Variants in MAGI2 observed in about 807,000 individuals in gnomAD.
MAGI2 encodes the protein membrane-associated guanylate kinase, WW and PDZ domain-containing protein 2.
In MAGI2, 35 loss-of-function variants were observed where a neutral mutation model predicts 133.3. That is an observed-to-expected ratio of 0.26 (90% confidence interval 0.20 to 0.35). MAGI2 has a LOEUF of 0.35. Among genes scored for constraint, MAGI2 ranks in the 10% least tolerant of loss-of-function variants. MAGI2 has a pLI of 1.00. For synonymous variants in MAGI2, 729 were observed against 710.6 expected (o/e 1.03, Z -0.41); for missense variants, 1,636 against 1,863.4 (o/e 0.88, Z 2.25).
At chr7:79,203,722 C>T (rs2129552115) in intron 1 of MAGI2, among the ~76,000 whole-genome samples, 1 of 152,114 alleles carries the variant, frequency 6.6e-6, no homozygotes, top group African/African-American at 2.4e-5. Context: ...AATCAGTAGG[C>T]ATTTTAAAAA....
chr7:78,068,446 A>AATGTG (rs1814086686), intron 21 of MAGI2, among the ~76,000 whole-genome samples: 1 of 152,014 alleles, frequency 6.6e-6, no homozygotes. Context: ...GAGTGATAAC[A>AATGTG]ATGTGTCAAT....
intron 1 of MAGI2, among the ~76,000 whole-genome samples, chr7:79,286,478 C>T (rs1193165571): frequency 6.6e-6 from 1 of 151,980 alleles, no homozygotes; most frequent in African/African-American, 2.4e-5. Flanking sequence ...ACAATTCTTG[C>T]TATTCCAAGA....
At chr7:78,669,460 A>G (rs192302492) in intron 2 of MAGI2, among the ~76,000 whole-genome samples, 2,246 of 152,154 alleles carry the variant, frequency 0.015, 63 homozygotes, top group African/African-American at 0.051. Flanking sequence ...GTCCAGGACC[A>G]GATGGATTCA....
At chr7:78,203,545 G>T (rs1203475979) in intron 10 of MAGI2, among the ~76,000 whole-genome samples, 5 of 152,158 alleles carry the variant, frequency 3.3e-5, no homozygotes, top group African/African-American at 1.2e-4. Flanking sequence ...GTGCAACCCA[G>T]GGCTCCTTTA....
chr7:79,107,079 T>C (rs1489430971), intron 1 of MAGI2, among the ~76,000 whole-genome samples: 2 of 152,140 alleles, frequency 1.3e-5, no homozygotes, highest in African/African-American at 2.4e-5. Flanking sequence ...CAAAAGGTAT[T>C]TTGCAGATGT....
chr7:79,011,060 A>G (rs1052526045), intron 1 of MAGI2: 3 of 152,128 alleles, frequency 2.0e-5, no homozygotes, highest in Non-Finnish European at 2.9e-5. Context: ...AACTCTTCCT[A>G]TTGCAAACGA....
intron 6 of MAGI2, among the ~76,000 whole-genome samples, chr7:78,433,188 G>T (rs927127017): frequency 6.6e-5 from 10 of 151,956 alleles, no homozygotes; most frequent in African/African-American, 2.4e-4. Context: ...CATCTGAGAG[G>T]TATCTATTTC....
At position 78,041,408 on chromosome 7, in the gene MAGI2, G is replaced by A. The variant is rs150542845; in HGVS notation, c.3707-21432C>T. Among the ~76,000 whole-genome samples, 916 of 152,324 alleles carry A rather than the reference G, an allele frequency of 6.0e-3. 5 individuals are homozygous for A. The highest frequency in any genetic ancestry group is 0.021 in the African/African-American group (866 of 41,570). ...ACCTGGAAAGGCACCAGGTGTGGTG[G>A]CTTACGCCTGTAATCCCAACACTCT... On this transcript the variant is annotated intron_variant, in intron 21 of 21. Coordinates refer to ENST00000354212, the MANE Select transcript of MAGI2 (RefSeq NM_012301.4).
chr7:78,508,360 A>C (rs948809013), intron 4 of MAGI2, among the ~76,000 whole-genome samples: 16 of 152,184 alleles, frequency 1.1e-4, no homozygotes, highest in Non-Finnish European at 7.3e-5. Flanking sequence ...CATCTCAAGG[A>C]CTGCAAATTA....
At chr7:78,601,491 T>C (rs319873) in intron 3 of MAGI2, among the ~76,000 whole-genome samples, 22,609 of 152,210 alleles carry the variant, frequency 0.15, 2,283 homozygotes, top group Non-Finnish European at 0.23. Flanking sequence ...ATATAAAAAG[T>C]CTTAAGTCTT....
In MAGI2 at chr7:78,986,121, T is replaced by C. The variant is rs1177270132; in HGVS notation, c.418+20969A>G. The stretch of plus-strand genomic sequence containing the variant: ...GTTTGGCAATTTCAGAAACCAAAGC[T>C]GAAGTAACACTACTTAGCACTTAGC... On this transcript the variant is annotated intron_variant, in intron 2 of 21. Transcript: ENST00000354212. 4.6e-5 allele frequency among the ~76,000 whole-genome samples: 7 copies of C among 152,190 alleles called. No homozygotes were observed. The East Asian group carries it at 1.4e-3, about 30-fold the overall frequency.
At chr7:79,424,345 T>C (rs1847187250) in intron 1 of MAGI2, among the ~76,000 whole-genome samples, 1 of 152,078 alleles carries the variant, frequency 6.6e-6, no homozygotes, top group African/African-American at 2.4e-5. Context: ...TATTCATATG[T>C]AAAATCTAAA....
chr7:79,021,852 A>G (rs1809361663), intron 1 of MAGI2, among the ~76,000 whole-genome samples: 1 of 152,164 alleles, frequency 6.6e-6, no homozygotes, highest in Non-Finnish European at 1.5e-5. Flanking sequence ...CTTTGTCCCA[A>G]CCAAATCTCA....
At chr7:78,065,694 A>C in intron 21 of MAGI2, 1 of 612,214 alleles carries the variant, frequency 1.6e-6, no homozygotes. Flanking sequence ...CCTAGGACCA[A>C]TCATTAGAAT....
chr7:78,800,852 G>A (rs1324812057), intron 2 of MAGI2, among the ~76,000 whole-genome samples: 1 of 152,006 alleles, frequency 6.6e-6, no homozygotes, highest in Non-Finnish European at 1.5e-5. Flanking sequence ...GGGGTTTCAG[G>A]TTCCAAGTGA....
At chr7:78,708,118 A>C (rs1015711564) in intron 2 of MAGI2, among the ~76,000 whole-genome samples, 1 of 152,146 alleles carries the variant, frequency 6.6e-6, no homozygotes, top group Non-Finnish European at 1.5e-5. Flanking sequence ...ACTGATGGGG[A>C]CTGACAAGGC....
chr7:79,418,840 C>T (rs1359885227), intron 1 of MAGI2, among the ~76,000 whole-genome samples: 1 of 62,178 alleles, frequency 1.6e-5, no homozygotes, highest in Non-Finnish European at 2.7e-5. Flanking sequence ...TACACACACA[C>T]ACACACACAC....
chr7:78,388,288 A>ATCG (rs1795585844), intron 6 of MAGI2, among the ~76,000 whole-genome samples: 1 of 142,704 alleles, frequency 7.0e-6, no homozygotes, highest in South Asian at 2.2e-4. Context: ...CATCATCATC[A>ATCG]TCATCATCGT....
At chr7:78,398,950 C>A (rs1345405769) in intron 6 of MAGI2, among the ~76,000 whole-genome samples, 1 of 152,090 alleles carries the variant, frequency 6.6e-6, no homozygotes, top group Admixed American at 6.6e-5. Context: ...GACAATGAAC[C>A]AATCTTTTTT....
Sources: allele counts gnomAD v4.1 joint callset (sites outside exome capture counted in the v4.1 genomes callset), GRCh38; gene constraint gnomAD v4.1.1; transcripts MANE v1.5; gene names NCBI Gene and HGNC (gene_info 2026-07-23, HGNC 2026-07-21).